The following WWOX variants were observed in gnomAD, a reference collection of about 807,000 sequenced individuals.
WWOX encodes WW domain containing oxidoreductase.
WWOX carries 69 observed loss-of-function variants against 46.2 expected under a neutral mutation model. That is an observed-to-expected ratio of 1.49 (90% confidence interval 1.23 to 1.82). The LOEUF (loss-of-function observed/expected upper bound fraction) is 1.82. Among genes scored for constraint, WWOX ranks in the 40% most tolerant of loss-of-function variants. The pLI is 0.00. For missense variants in WWOX, 919 were observed against 542.6 expected (o/e 1.69, Z -6.89); for synonymous variants, 359 against 202.6 (o/e 1.77, Z -6.56).
At chr16:78,360,671 T>A (rs1264282845) in intron 5 of WWOX, among the ~76,000 whole-genome samples, 4 of 44,394 alleles carry the variant, frequency 9.0e-5, no homozygotes, top group Non-Finnish European at 1.7e-4. Context: ...AATCATGGTA[T>A]AATAATCAAA....
chr16:78,615,240 C>G (rs72805014), intron 8 of WWOX, among the ~76,000 whole-genome samples: 2 of 152,096 alleles, frequency 1.3e-5, no homozygotes, highest in African/African-American at 4.8e-5. Context: ...CTGTTGAAGG[C>G]GCTAATGGGA....
rs1555508628 is a variant in WWOX at position 78,994,941 on chromosome 16, T to TTTTC, written c.1057-216659_1057-216656dup. 4.6e-5 allele frequency among the ~76,000 whole-genome samples: 7 copies of TTTTC among 150,730 alleles called. No individual in the cohort carries two copies. The East Asian group carries it at 1.4e-3, about 29-fold the overall frequency. On this transcript the variant is annotated intron_variant, in intron 8 of 8. Coordinates refer to ENST00000566780, the MANE Select transcript of WWOX (RefSeq NM_016373.4). ...GGCAAATGAGGTGCAAGCCTTTTTTTTTTCTTTCTTTTCTTCTTCTTCTTC... is the reference window on the plus strand; with the variant it reads ...GGCAAATGAGGTGCAAGCCTTTTTTTTTTCTTTCTTTCTTTTCTTCTTCTTCTTC...
chr16:78,300,567 C>G (rs2080022524), intron 5 of WWOX, among the ~76,000 whole-genome samples: 1 of 151,882 alleles, frequency 6.6e-6, no homozygotes, highest in African/African-American at 2.4e-5. Flanking sequence ...TCCCTTCCCT[C>G]TCTTCCTTTC....
At chr16:78,194,730 C>G (rs1216724103) in intron 5 of WWOX, among the ~76,000 whole-genome samples, 2 of 152,102 alleles carry the variant, frequency 1.3e-5, no homozygotes, top group African/African-American at 4.8e-5. Context: ...AACCCCAAAC[C>G]CCTACCCTTA....
chr16:78,997,302 A>T (rs994155435), intron 8 of WWOX, among the ~76,000 whole-genome samples: 1 of 152,204 alleles, frequency 6.6e-6, no homozygotes, highest in Non-Finnish European at 1.5e-5. Flanking sequence ...CCTTAAAACC[A>T]TACCTATATC....
chr16:78,560,020 A>T (rs1483525205), intron 8 of WWOX, among the ~76,000 whole-genome samples: 3 of 152,212 alleles, frequency 2.0e-5, no homozygotes, highest in Non-Finnish European at 4.4e-5. Flanking sequence ...GAAATTAGTG[A>T]CATTGAAAGG....
chr16:78,991,929 C>T (rs576527810), intron 8 of WWOX, among the ~76,000 whole-genome samples: 7 of 152,282 alleles, frequency 4.6e-5, no homozygotes, highest in African/African-American at 1.4e-4. Context: ...CAATACCAGC[C>T]ACAAAATAAT....
chr16:79,003,420 T>C lies in WWOX; in HGVS notation c.1057-208188T>C, dbSNP rs2047132152. Among the ~76,000 whole-genome samples the C allele has an allele frequency of 1.3e-5, 2 of 152,200 alleles. 1 individual carries two copies. The highest frequency in any genetic ancestry group is 4.1e-4 in the South Asian group (2 of 4,824). On this transcript the variant is annotated intron_variant, in intron 8 of 8. Transcript: ENST00000566780. ...ATCACCGTGAGGCCTCTTCCGCTTA[T>C]CTATTGCTGAGTAACAAGGTGTACC... is the stretch of plus-strand genomic sequence containing the variant.
At chr16:78,871,705 T>G (rs2044132350) in intron 8 of WWOX, among the ~76,000 whole-genome samples, 2 of 152,196 alleles carry the variant, frequency 1.3e-5, no homozygotes, top group South Asian at 4.1e-4. Context: ...GTTCAAGCAA[T>G]TCTCCTGCCT....
chr16:79,169,148 G>A (rs559372460), intron 8 of WWOX, among the ~76,000 whole-genome samples: 1 of 152,190 alleles, frequency 6.6e-6, no homozygotes, highest in South Asian at 2.1e-4. Flanking sequence ...GCCCATGGTA[G>A]AGAGGAGGAA....
intron 8 of WWOX, among the ~76,000 whole-genome samples, chr16:78,862,599 T>C (rs770619309): frequency 1.3e-5 from 2 of 152,042 alleles, no homozygotes; most frequent in Admixed American, 6.6e-5. Context: ...CAACCAATGG[T>C]ACAGTTCATG....
chr16:78,719,193 A>G (rs1287169035), intron 8 of WWOX, among the ~76,000 whole-genome samples: 1 of 152,162 alleles, frequency 6.6e-6, no homozygotes, highest in Admixed American at 6.5e-5. Context: ...CCTGAACCTG[A>G]TCAACAGAAA....
chr16:78,972,203 G>A (rs759771574), intron 8 of WWOX, among the ~76,000 whole-genome samples: 63 of 152,250 alleles, frequency 4.1e-4, no homozygotes, highest in Non-Finnish European at 6.8e-4. Flanking sequence ...ATCAGCTGCC[G>A]TGCTTGGAGG....
At chr16:78,600,359 G>A (rs146190833) in intron 8 of WWOX, among the ~76,000 whole-genome samples, 110 of 152,202 alleles carry the variant, frequency 7.2e-4, no homozygotes, top group African/African-American at 2.3e-3. Context: ...TGGAGGGGGG[G>A]CCCCAGATGA....
rs953712653 is a variant in WWOX, at chr16:78,631,700, A to G, written c.1056+198948A>G. 2.0e-5 allele frequency among the ~76,000 whole-genome samples: 3 copies of G among 151,996 alleles called. No individual in the cohort carries two copies. In the East Asian group the frequency reaches 5.8e-4, roughly 30 times the overall value. On this transcript the variant is annotated intron_variant, in intron 8 of 8. Coordinates refer to ENST00000566780, the MANE Select transcript of WWOX (RefSeq NM_016373.4). ...CACGTGTGTGCCACCGTGCCTGGCTATTTTTTGTAGGGACAGGGTTTCAAC... is the reference window on the plus strand; with the variant it reads ...CACGTGTGTGCCACCGTGCCTGGCTGTTTTTTGTAGGGACAGGGTTTCAAC...
intron 8 of WWOX, among the ~76,000 whole-genome samples, chr16:78,615,753 ATT>A (rs57166697): frequency 7.6e-5 from 11 of 144,832 alleles, no homozygotes; most frequent in East Asian, 2.0e-4. Flanking sequence ...CAATAGGATA[ATT>A]TTTTTTTTTT....
chr16:79,036,058 C>G (rs980750752), intron 8 of WWOX, among the ~76,000 whole-genome samples: 1 of 152,248 alleles, frequency 6.6e-6, no homozygotes, highest in Non-Finnish European at 1.5e-5. Context: ...TGTGGTCTCT[C>G]TGTGGTTTTC....
chr16:78,563,478 C>G (rs1039189832), intron 8 of WWOX, among the ~76,000 whole-genome samples: 19 of 147,522 alleles, frequency 1.3e-4, no homozygotes, highest in Admixed American at 1.3e-3. Flanking sequence ...GATACGGGCA[C>G]TCGTGTGGGT....
intron 8 of WWOX, among the ~76,000 whole-genome samples, chr16:78,566,686 A>T (rs1003731458): frequency 1.3e-5 from 2 of 152,204 alleles, no homozygotes; most frequent in Non-Finnish European, 2.9e-5. Context: ...ACAACAGTGC[A>T]GTCAGGAGAT....
Sources: gnomAD v4.1 joint callset for allele counts (sites outside exome capture counted in the v4.1 genomes callset) on GRCh38, gnomAD v4.1.1 for gene constraint, MANE v1.5 for transcripts, NCBI Gene and HGNC (gene_info 2026-07-23, HGNC 2026-07-21) for gene names.